FSTL4: variants seen among roughly 807,000 people sequenced by gnomAD.
FSTL4 encodes the protein follistatin like 4, also known as follistatin-related protein 4.
Under a neutral mutation model 78.2 loss-of-function variants are expected in FSTL4, and 28 were observed. The ratio of observed to expected loss-of-function variants is 0.36; its 90% CI spans 0.27 to 0.49. The LOEUF is 0.49. Among genes scored for constraint, FSTL4 ranks in the 20% least tolerant of loss-of-function variants. FSTL4 has a pLI of 0.98. For missense variants in FSTL4, 922 were observed against 1,084.9 expected (o/e 0.85, Z 2.11); for synonymous variants, 422 against 440.5 (o/e 0.96, Z 0.53).
chr5:133,399,566 T>C (rs1756164509), intron 4 of FSTL4, among the ~76,000 whole-genome samples: 2 of 152,210 alleles, frequency 1.3e-5, no homozygotes, highest in South Asian at 2.1e-4. Context: ...ACCTCAGCCA[T>C]GAATCCGCCT....
chr5:133,542,216 A>C (rs1218113363), intron 3 of FSTL4, among the ~76,000 whole-genome samples: 1 of 152,158 alleles, frequency 6.6e-6, no homozygotes, highest in Non-Finnish European at 1.5e-5. Context: ...TAGATTTTTA[A>C]AATACTTTTC....
chr5:133,639,378 G>A, the FSTL4 span, among the ~76,000 whole-genome samples: 1 of 152,184 alleles, frequency 6.6e-6, no homozygotes, highest in African/African-American at 2.4e-5. Flanking sequence ...ATTCAGAAAA[G>A]GGGGGTCTGT....
chr5:133,753,589 C>A, the FSTL4 span, among the ~76,000 whole-genome samples: 1 of 152,158 alleles, frequency 6.6e-6, no homozygotes, highest in Non-Finnish European at 1.5e-5. Flanking sequence ...GGACTGGACA[C>A]ATGGTTCCAG....
chr5:133,571,633 G>C (rs1048145891), intron 2 of FSTL4, among the ~76,000 whole-genome samples: 1 of 152,068 alleles, frequency 6.6e-6, no homozygotes, highest in Non-Finnish European at 1.5e-5. Flanking sequence ...CAAAATCTCC[G>C]AAATCACCAC....
chr5:133,440,262 C>G lies in FSTL4; in HGVS notation c.161-39276G>C, dbSNP rs193288057. ...CGCTGACAAGGTGTCTTGACAGGAA[C>G]AAGACACATCATTTGGGTGGCTGTG... is the stretch of plus-strand genomic sequence containing the variant. On this transcript the variant is annotated intron_variant, in intron 3 of 15. Transcript: ENST00000265342. This position sits in a 1 kb window ranked among gnomAD's most constrained non-coding sequence, Gnocchi z 4.1. Among the ~76,000 whole-genome samples, 1 of 152,184 alleles carries G rather than the reference C, an allele frequency of 6.6e-6. No individual in the cohort carries two copies. Among genetic ancestry groups the G allele is most frequent in the African/African-American group, 2.4e-5 (1 of 41,456 alleles).
chr5:133,278,641 G>A (rs181396227), intron 6 of FSTL4, among the ~76,000 whole-genome samples: 12 of 152,314 alleles, frequency 7.9e-5, no homozygotes, highest in Middle Eastern at 3.4e-3. Flanking sequence ...ACCTCTTGGC[G>A]GACATGAGAG....
chr5:133,266,240 C>T (rs1404610780), intron 6 of FSTL4, among the ~76,000 whole-genome samples: 2 of 152,274 alleles, frequency 1.3e-5, no homozygotes, highest in African/African-American at 4.8e-5. Context: ...ACACAGACCA[C>T]AGCACGCACA....
the FSTL4 span, among the ~76,000 whole-genome samples, chr5:133,708,449 A>G: frequency 7.3e-5 from 11 of 151,580 alleles, no homozygotes; most frequent in Non-Finnish European, 4.4e-5. Context: ...TGACCTGATT[A>G]CTCTCCAGCC....
rs942381662 is a variant in FSTL4 at position 133,611,385 on chromosome 5, T to C, written c.-11+940A>G. 1.3e-5 allele frequency among the ~76,000 whole-genome samples: 2 copies of C among 152,196 alleles called. No homozygotes were observed. Among genetic ancestry groups the C allele is most frequent in the African/African-American group, 2.4e-5 (1 of 41,464 alleles). Reference sequence around the variant, plus strand: ...CAGGCCTGGGGTTGGCGCCGCTTTGTCGGCTGCAGGGAGCCCCAAAGACTA... The same window carrying C: ...CAGGCCTGGGGTTGGCGCCGCTTTGCCGGCTGCAGGGAGCCCCAAAGACTA... On this transcript the variant is annotated intron_variant, in intron 1 of 15. Coordinates refer to ENST00000265342, the MANE Select transcript of FSTL4 (RefSeq NM_015082.2). The surrounding 1 kb of genome is among the most constrained non-coding windows in gnomAD (Gnocchi z 4.9).
At chr5:133,245,981 T>C (rs747719092) in intron 7 of FSTL4, among the ~76,000 whole-genome samples, 2 of 152,218 alleles carry the variant, frequency 1.3e-5, no homozygotes, top group South Asian at 2.1e-4. Context: ...GACAAATTAA[T>C]ATTTTGTTGC....
chr5:133,754,584 A>C, the FSTL4 span, among the ~76,000 whole-genome samples: 1 of 152,346 alleles, frequency 6.6e-6, no homozygotes, highest in South Asian at 2.1e-4. Flanking sequence ...AAATAAGTTT[A>C]CTAGACAGGA....
At chr5:133,739,287 CTTTTTT>C in the FSTL4 span, among the ~76,000 whole-genome samples, 2 of 143,920 alleles carry the variant, frequency 1.4e-5, no homozygotes, top group South Asian at 4.5e-4. Flanking sequence ...TTTTCTTTTT[CTTTTTT>C]TTTTTTTTTA....
chr5:133,334,762 A>AGAGG (rs1754427046), intron 4 of FSTL4, among the ~76,000 whole-genome samples: 1 of 152,092 alleles, frequency 6.6e-6, no homozygotes, highest in Admixed American at 6.5e-5. Context: ...GGCTCACAGG[A>AGAGG]GAGGGTCACT....
intron 13 of FSTL4, among the ~76,000 whole-genome samples, chr5:133,214,817 GAGA>G (rs750055036): frequency 7.9e-5 from 12 of 152,186 alleles, no homozygotes; most frequent in Middle Eastern, 3.2e-3. Context: ...AGGAGAGAAA[GAGA>G]AGAATTGTGG....
intron 3 of FSTL4, among the ~76,000 whole-genome samples, chr5:133,439,427 G>A (rs527318304): frequency 1.3e-5 from 2 of 152,170 alleles, no homozygotes; most frequent in Middle Eastern, 3.2e-3. Flanking sequence ...GTGGGACTGC[G>A]ATTGATACCA....
At chr5:133,486,071 T>C (rs1758126555) in intron 3 of FSTL4, among the ~76,000 whole-genome samples, 1 of 152,070 alleles carries the variant, frequency 6.6e-6, no homozygotes, top group Non-Finnish European at 1.5e-5. Flanking sequence ...CATGAACATG[T>C]GGCCTTCATG....
Position 133,225,742 on chromosome 5 carries a change from C to T in FSTL4, c.1093G>A (p.Glu365Lys). ...GTGATTCTGGGCATGGGAATGCCCT[C>T]AGCATGGCATCTTAGGCTGGCTGCC... Reference protein sequence around the residue: ...GVAASLRCHAEGIPMPRITWL... With the variant: ...GVAASLRCHAKGIPMPRITWL... Residue 365 changes from glutamate to lysine, a missense_variant, in exon 9 of 16, where the codon GAG becomes AAG. By Grantham distance (56) the Glu-to-Lys change is moderately conservative (BLOSUM62 1). Coordinates refer to ENST00000265342, the MANE Select transcript of FSTL4 (RefSeq NM_015082.2). This position sits in a 1 kb window ranked among gnomAD's most constrained non-coding sequence, Gnocchi z 4.6. 6.2e-7 allele frequency: 1 copy of T among 1,611,424 alleles called. No homozygotes were observed.
the FSTL4 span, among the ~76,000 whole-genome samples, chr5:133,742,080 G>A: frequency 6.6e-6 from 1 of 152,232 alleles, no homozygotes; most frequent in African/African-American, 2.4e-5. Flanking sequence ...TTTCTTGCAT[G>A]GGGTCACTAC....
chr5:133,601,709 G>T (rs1760874581), intron 2 of FSTL4, among the ~76,000 whole-genome samples: 1 of 138,746 alleles, frequency 7.2e-6, no homozygotes. Flanking sequence ...CTCAGACATG[G>T]TCTCACTCTG....
Sources: gnomAD v4.1 joint callset for allele counts (sites outside exome capture counted in the v4.1 genomes callset) on GRCh38, gnomAD v4.1.1 for gene constraint, Gnocchi (gnomAD v3.1) non-coding constraint, MANE v1.5 for transcripts, NCBI Gene and HGNC (gene_info 2026-07-23, HGNC 2026-07-21) for gene names.